RUSC2: variants seen among roughly 807,000 people sequenced by gnomAD.
RUSC2 encodes RUN and SH3 domain containing 2.
RUSC2 carries 34 observed loss-of-function variants against 122.2 expected under a neutral mutation model. The ratio of observed to expected loss-of-function variants is 0.28; its 90% CI spans 0.21 to 0.37. The LOEUF (loss-of-function observed/expected upper bound fraction) is 0.37. Among genes scored for constraint, RUSC2 ranks in the 10% least tolerant of loss-of-function variants. The pLI is 1.00. For synonymous variants in RUSC2, 784 were observed against 790.0 expected (o/e 0.99, Z 0.13); for missense variants, 1,747 against 1,952.4 (o/e 0.89, Z 1.98).
intron 1 of RUSC2, among the ~76,000 whole-genome samples, chr9:35,501,122 C>T (rs553788630): frequency 2.7e-4 from 41 of 152,256 alleles, no homozygotes; most frequent in African/African-American, 9.9e-4. Context: ...ATATATTCTA[C>T]AGGAAAGGGA....
chr9:35,530,150 C>T (rs1487566248), intron 1 of RUSC2, among the ~76,000 whole-genome samples: 3 of 152,278 alleles, frequency 2.0e-5, no homozygotes, highest in South Asian at 4.1e-4. Flanking sequence ...CGGGGTTTCA[C>T]CATGTTGCCG....
At chr9:35,553,450 T>C (rs1194987200) in intron 2 of RUSC2, among the ~76,000 whole-genome samples, 1 of 152,104 alleles carries the variant, frequency 6.6e-6, no homozygotes, top group Middle Eastern at 3.2e-3. Context: ...TTAGGAGCAG[T>C]AATGGACAAT....
At chr9:35,523,279 A>C (rs1321329062) in intron 1 of RUSC2, among the ~76,000 whole-genome samples, 1 of 152,216 alleles carries the variant, frequency 6.6e-6, no homozygotes, top group Non-Finnish European at 1.5e-5. Flanking sequence ...TAAGTGAAAA[A>C]AGCAGCCACA....
chr9:35,539,197 T>C (rs1281496953), intron 1 of RUSC2: 2 of 127,458 alleles, frequency 1.6e-5, no homozygotes, highest in African/African-American at 5.9e-5. Context: ...AGGGTTGGCT[T>C]TGTCTTTCCA....
chr9:35,561,362 C>T lies in RUSC2; in HGVS notation c.4531C>T (p.Pro1511Ser), dbSNP rs369422512. ...VTLTPTPSPT[P>S]GSSQN The stretch of plus-strand genomic sequence containing the variant: ...ATTGACCCCAACTCCAAGTCCAACC[C>T]CTGGAAGCAGCCAAAACTGAGGCCC... The change falls in exon 12 of 12, where the codon CCT becomes TCT. Residue 1511 changes from proline (P) to serine (S), a missense_variant. Transcript: ENST00000361226. The T allele has an allele frequency of 1.2e-6, 2 of 1,612,886 alleles. No individual in the cohort carries two copies. The highest frequency in any genetic ancestry group is 1.7e-6 in the Non-Finnish European group (2 of 1,179,376).
chr9:35,534,572 C>T (rs1214620307), intron 1 of RUSC2, among the ~76,000 whole-genome samples: 1 of 152,212 alleles, frequency 6.6e-6, no homozygotes, highest in Non-Finnish European at 1.5e-5. Context: ...ACCTCTGCCT[C>T]CCAGGTTCAA....
intron 1 of RUSC2, among the ~76,000 whole-genome samples, chr9:35,528,619 A>G (rs1821364507): frequency 6.6e-6 from 1 of 151,414 alleles, no homozygotes; most frequent in African/African-American, 2.4e-5. Context: ...TCAGCCTCCT[A>G]CCTTAGCCTC....
rs1199267529 is a variant in RUSC2 at position 35,561,083 on chromosome 9, C to T, written c.4335C>T (p.Pro1445=). 35 of 1,613,934 alleles carry T rather than the reference C, an allele frequency of 2.2e-5. No homozygotes were observed. Among genetic ancestry groups the T allele is most frequent in the African/African-American group, 5.3e-5 (4 of 74,950 alleles). ...AGGAGCCACACTCCCCAGCCCTGCC[C>T]TCCAGTCCTCCGTGGTAAGCCTGGG... The part of the protein sequence containing the change: ...SLQEPHSPAL[P]SSPPCEVQAL... Residue 1445 remains proline, a synonymous_variant, in exon 11 of 12, where the codon CCC becomes CCT. Coordinates refer to ENST00000361226, the MANE Select transcript of RUSC2 (RefSeq NM_014806.5).
chr9:35,533,400 A>G (rs1821461975), intron 1 of RUSC2, among the ~76,000 whole-genome samples: 1 of 152,192 alleles, frequency 6.6e-6, no homozygotes, highest in Non-Finnish European at 1.5e-5. Context: ...CAAAGACTTC[A>G]GTCTCTGTGG....
chr9:35,560,486 C>T lies in RUSC2; in HGVS notation c.3846C>T (p.Ile1282=), dbSNP rs952402016. The stretch of plus-strand genomic sequence containing the variant: ...TCATGCAGAGCTCCCAGGTCTACAT[C>T]GATGGCTCCATTGAGGGTTCCAGGT... ...YQLMQSSQVY[I]DGSIEGSRFP... Residue 1282 remains isoleucine (I), a synonymous_variant, in exon 10 of 12, where the codon ATC becomes ATT. Coordinates refer to ENST00000361226, the MANE Select transcript of RUSC2 (RefSeq NM_014806.5). 7 of 1,614,064 alleles carry T rather than the reference C, an allele frequency of 4.3e-6. No homozygotes were observed. In the African/African-American group the frequency reaches 6.7e-5, roughly 15 times the overall value.
intron 2 of RUSC2, among the ~76,000 whole-genome samples, chr9:35,552,377 A>G (rs1440523622): frequency 1.3e-5 from 2 of 152,170 alleles, no homozygotes; most frequent in East Asian, 3.8e-4. Flanking sequence ...AAGTAAATTA[A>G]AAAATAAAAA....
At chr9:35,537,236 G>A (rs1027815220) in intron 1 of RUSC2, among the ~76,000 whole-genome samples, 1 of 152,104 alleles carries the variant, frequency 6.6e-6, no homozygotes, top group African/African-American at 2.4e-5. Context: ...ACTTAGCCTC[G>A]CAGAAATTTC....
chr9:35,527,727 T>C (rs1289301411), intron 1 of RUSC2, among the ~76,000 whole-genome samples: 1 of 152,248 alleles, frequency 6.6e-6, no homozygotes, highest in East Asian at 1.9e-4. Flanking sequence ...TATAAACTAA[T>C]TTTTCTTGAT....
intron 1 of RUSC2, among the ~76,000 whole-genome samples, chr9:35,522,535 G>C (rs1240274085): frequency 1.3e-5 from 2 of 152,144 alleles, no homozygotes; most frequent in Non-Finnish European, 2.9e-5. Flanking sequence ...GAGGCATATT[G>C]GCAATTATTT....
At chr9:35,502,413 A>G (rs1820833699) in intron 1 of RUSC2, among the ~76,000 whole-genome samples, 1 of 152,178 alleles carries the variant, frequency 6.6e-6, no homozygotes, top group African/African-American at 2.4e-5. Context: ...AGGTTTATAA[A>G]TCTCTCACTC....
intron 1 of RUSC2, among the ~76,000 whole-genome samples, chr9:35,523,933 T>C (rs1821271023): frequency 1.3e-5 from 2 of 152,212 alleles, no homozygotes; most frequent in South Asian, 4.1e-4. Flanking sequence ...CAGGGGTCCA[T>C]ATTTATCCTA....
At chr9:35,549,317 C>T (rs543678006) in intron 2 of RUSC2, 538 of 763,118 alleles carry the variant, frequency 7.1e-4, no homozygotes, top group South Asian at 1.6e-3. Context: ...CTTTTTGAGA[C>T]GGAGTCTTGC....
chr9:35,521,251 T>A (rs948083511), intron 1 of RUSC2, among the ~76,000 whole-genome samples: 1 of 152,190 alleles, frequency 6.6e-6, no homozygotes, highest in African/African-American at 2.4e-5. Context: ...TCCAAACAGG[T>A]GCTACAAGTT....
intron 1 of RUSC2, among the ~76,000 whole-genome samples, chr9:35,543,909 G>C (rs1821693003): frequency 6.6e-6 from 1 of 152,204 alleles, no homozygotes; most frequent in African/African-American, 2.4e-5. Context: ...ATGCTGTTAT[G>C]AACATTTGTG....
Sources: gnomAD v4.1 joint callset for allele counts (sites outside exome capture counted in the v4.1 genomes callset) on GRCh38, gnomAD v4.1.1 for gene constraint, MANE v1.5 for transcripts, NCBI Gene and HGNC (gene_info 2026-07-23, HGNC 2026-07-21) for gene names.